Variants in CRYM observed in about 807,000 individuals in gnomAD.
CRYM encodes the protein ketimine reductase mu-crystallin.
A neutral mutation model predicts 32.9 loss-of-function variants in CRYM; 18 were observed. The observed-to-expected ratio is 0.55, with a 90% CI of 0.38 to 0.81. CRYM has a LOEUF of 0.81. CRYM is among the 30% of genes least tolerant of loss of function. The pLI is 0.00. For missense variants in CRYM, 337 were observed against 393.5 expected (o/e 0.86, Z 1.21); for synonymous variants, 153 against 152.4 (o/e 1.00, Z -0.03).
intron 3 of CRYM, among the ~76,000 whole-genome samples, chr16:21,272,494 C>A (rs2093377644): frequency 6.6e-6 from 1 of 152,140 alleles, no homozygotes; most frequent in Admixed American, 6.5e-5. Context: ...CGATGCTAGG[C>A]TGCTTTGTCC....
chr16:21,266,076 A>T (rs1481842969), intron 5 of CRYM, among the ~76,000 whole-genome samples: 1 of 152,216 alleles, frequency 6.6e-6, no homozygotes, highest in East Asian at 1.9e-4. Flanking sequence ...ATACAAAAAA[A>T]TTAGCTGGCA....
Position 21,277,289 on chromosome 16 carries a change from C to T in CRYM, c.324+142G>A. The T allele has an allele frequency of 1.2e-6, 1 of 865,826 alleles. No homozygotes were observed. The highest frequency in any genetic ancestry group is 1.8e-6 in the Non-Finnish European group (1 of 547,634). 53.6% of individuals were successfully genotyped at this position (865,826 alleles called of 1,614,324 possible). A position where few individuals can be genotyped will look rare whatever the true frequency, so the allele number is the denominator to read the frequency against. ...AAATAGATACATGGACACAGATAAC[C>T]TTCACTGTTGCTGGTATCCAGTCAC... On this transcript the variant is annotated intron_variant, in intron 2 of 7. Transcript: ENST00000572914. This position sits in a 1 kb window ranked among gnomAD's most constrained non-coding sequence, Gnocchi z 4.2.
chr16:21,268,007 G>A (rs2093367676), intron 4 of CRYM, among the ~76,000 whole-genome samples: 1 of 152,194 alleles, frequency 6.6e-6, no homozygotes, highest in Non-Finnish European at 1.5e-5. Context: ...TAGGCCAAGA[G>A]GCACAGCCTC....
At chr16:21,301,853 CGGCGGA>C (rs767964981) in intron 1 of CRYM, among the ~76,000 whole-genome samples, 26 of 152,296 alleles carry the variant, frequency 1.7e-4, no homozygotes, top group African/African-American at 6.0e-4. Flanking sequence ...CGCCCTTCAG[CGGCGGA>C]GGCGGAGGCG....
intron 1 of CRYM, among the ~76,000 whole-genome samples, chr16:21,302,066 C>CG (rs1567245133): frequency 6.6e-6 from 1 of 152,206 alleles, no homozygotes; most frequent in Admixed American, 6.5e-5. Context: ...CTCATCCCCC[C>CG]GCCAACACAC....
chr16:21,262,610 C>G (rs1038426751), intron 5 of CRYM, among the ~76,000 whole-genome samples: 2 of 152,078 alleles, frequency 1.3e-5, no homozygotes, highest in East Asian at 3.9e-4. Flanking sequence ...CAGAGTGAGG[C>G]TCCATCTCAA....
rs367658154 is a variant in CRYM at position 21,277,561 on chromosome 16, T to G, written c.194A>C (p.Tyr65Ser). 1 of 1,613,866 alleles carries G rather than the reference T, an allele frequency of 6.2e-7. No homozygotes were observed. Among genetic ancestry groups the G allele is most frequent in the Admixed American group, 1.7e-5 (1 of 60,020 alleles). The change falls in exon 2 of 8, where the codon TAC becomes TCC. Residue 65 changes from tyrosine (Y) to serine (S), a missense_variant. Tyr to Ser is a moderately radical substitution (Grantham distance 144). Coordinates refer to ENST00000572914, the MANE Select transcript of CRYM (RefSeq NM_001376256.1). The surrounding 1 kb of genome is among the most constrained non-coding windows in gnomAD (Gnocchi z 4.2). ...HRGYLGVMPA[Y>S]SAAEDALTTK... ...GGTCAGTGCATCCTCTGCAGCACTG[T>G]AGGCGGGCATGACCCCCAGGTAGCT...
chr16:21,288,934 C>T (rs1460806612), intron 1 of CRYM, among the ~76,000 whole-genome samples: 1 of 151,874 alleles, frequency 6.6e-6, no homozygotes, highest in Admixed American at 6.6e-5. Context: ...AATTTTGTTC[C>T]ATTGCAGTCA....
In CRYM at chr16:21,278,064, C is replaced by T. The variant is rs1160671049; in HGVS notation, c.170+18G>A. The T allele has an allele frequency of 3.9e-6, 6 of 1,539,442 alleles. No homozygotes were observed. In the Admixed American group the frequency reaches 7.8e-5, roughly 20 times the overall value. On this transcript the variant is annotated intron_variant, in intron 1 of 7. Coordinates refer to ENST00000572914, the MANE Select transcript of CRYM (RefSeq NM_001376256.1). Reference sequence around the variant, plus strand: ...TTTCCAGTTTCTCCTGCCCCTGACCCCGACCCTCCTCACTCACCCCCTGTG... The same window carrying T: ...TTTCCAGTTTCTCCTGCCCCTGACCTCGACCCTCCTCACTCACCCCCTGTG...
intron 1 of CRYM, among the ~76,000 whole-genome samples, chr16:21,292,912 G>A (rs1179708952): frequency 6.6e-6 from 1 of 152,136 alleles, no homozygotes; most frequent in Non-Finnish European, 1.5e-5. Flanking sequence ...AATTAAGACA[G>A]TGTGGTATTA....
intron 1 of CRYM, among the ~76,000 whole-genome samples, chr16:21,293,574 T>C (rs941168296): frequency 1.3e-5 from 2 of 152,166 alleles, no homozygotes; most frequent in Non-Finnish European, 2.9e-5. Flanking sequence ...TCTTGAGAGA[T>C]ATTAATTTGG....
intron 1 of CRYM, among the ~76,000 whole-genome samples, chr16:21,287,064 T>A (rs1288089475): frequency 6.7e-6 from 1 of 149,686 alleles, no homozygotes; most frequent in Non-Finnish European, 1.5e-5. Flanking sequence ...CACTCCAGCC[T>A]GGGCGACAGA....
At chr16:21,287,947 T>C (rs2093410180) in intron 1 of CRYM, among the ~76,000 whole-genome samples, 1 of 152,250 alleles carries the variant, frequency 6.6e-6, no homozygotes, top group South Asian at 2.1e-4. Flanking sequence ...AGGTACCCTG[T>C]ATTCCCTATT....
At chr16:21,299,208 C>A (rs750838152) in intron 1 of CRYM, among the ~76,000 whole-genome samples, 6 of 152,186 alleles carry the variant, frequency 3.9e-5, no homozygotes, top group Non-Finnish European at 7.3e-5. Flanking sequence ...ACTGTACCTG[C>A]CCACACACTG....
chr16:21,273,846 GT>G (rs2093380875), intron 3 of CRYM, among the ~76,000 whole-genome samples: 1 of 152,226 alleles, frequency 6.6e-6, no homozygotes, highest in Non-Finnish European at 1.5e-5. Context: ...GATTCATTCT[GT>G]TCCCAAATTA....
chr16:21,278,555 C>T, upstream of CRYM: 1 of 499,558 alleles, frequency 2.0e-6, no homozygotes. Context: ...CAGCTGTAGC[C>T]ACATTCCTTG....
intron 3 of CRYM, among the ~76,000 whole-genome samples, chr16:21,272,685 C>T (rs1223447316): frequency 1.3e-5 from 2 of 149,714 alleles, no homozygotes; most frequent in South Asian, 2.1e-4. Context: ...GAGTCTCACT[C>T]GTTGTCCAGG....
chr16:21,265,520 G>A (rs1244913060), intron 5 of CRYM, among the ~76,000 whole-genome samples: 2 of 152,126 alleles, frequency 1.3e-5, no homozygotes, highest in African/African-American at 2.4e-5. Flanking sequence ...TAGCCAGAAC[G>A]ATCTAGTTCC....
chr16:21,262,781 A>G (rs1198143320), intron 5 of CRYM, among the ~76,000 whole-genome samples: 2 of 152,200 alleles, frequency 1.3e-5, no homozygotes, highest in African/African-American at 4.8e-5. Context: ...TCTCGCAAGT[A>G]CATTTCAAAG....
Sources: gnomAD v4.1 joint callset for allele counts (sites outside exome capture counted in the v4.1 genomes callset) on GRCh38, gnomAD v4.1.1 for gene constraint, Gnocchi (gnomAD v3.1) non-coding constraint, MANE v1.5 for transcripts, NCBI Gene and HGNC (gene_info 2026-07-23, HGNC 2026-07-21) for gene names.